TENM4: variants seen among roughly 807,000 people sequenced by gnomAD.
The protein encoded by TENM4 is teneurin transmembrane protein 4.
A neutral mutation model predicts 243.3 loss-of-function variants in TENM4; 82 were observed. That is an observed-to-expected ratio of 0.34 (90% CI 0.28 to 0.40). The LOEUF is 0.40. TENM4 is among the 10% of genes least tolerant of loss of function. The probability of loss-of-function intolerance (pLI) is 1.00; values close to 1 mark genes in which losing one functional copy is unlikely to be tolerated. For missense variants in TENM4, 3,138 were observed against 3,673.3 expected (o/e 0.85, Z 3.77); for synonymous variants, 1,412 against 1,456.3 (o/e 0.97, Z 0.69).
chr11:79,408,344 G>A (rs543445236), intron 1 of TENM4, among the ~76,000 whole-genome samples: 43 of 152,316 alleles, frequency 2.8e-4, no homozygotes, highest in Non-Finnish European at 5.9e-4. Context: ...CTGCTGGTCC[G>A]GAGACCACAC....
intron 19 of TENM4, among the ~76,000 whole-genome samples, chr11:78,741,589 CTTAT>C (rs1208755835): frequency 6.6e-6 from 1 of 152,078 alleles, no homozygotes; most frequent in Admixed American, 6.6e-5. Flanking sequence ...TTTAATGTAC[CTTAT>C]TTAATTTTAT....
intron 24 of TENM4, 74 bp from the exon 25 acceptor site, chr11:78,720,464 C>G (rs1319962832): frequency 6.5e-7 from 1 of 1,549,972 alleles, no homozygotes; most frequent in African/African-American, 1.4e-5. Context: ...GCATTATTAG[C>G]AGCCTGAAAA....
At chr11:79,242,695 T>C (rs920556464) in intron 2 of TENM4, among the ~76,000 whole-genome samples, 1 of 152,230 alleles carries the variant, frequency 6.6e-6, no homozygotes, top group Non-Finnish European at 1.5e-5. Context: ...TTCCCTAAAG[T>C]GGAGCATTTA....
At chr11:79,034,525 A>G (rs1859326958) in intron 6 of TENM4, among the ~76,000 whole-genome samples, 1 of 152,254 alleles carries the variant, frequency 6.6e-6, no homozygotes, top group African/African-American at 2.4e-5. Flanking sequence ...TTTAAAGAAC[A>G]AAATGTTCTG....
intron 4 of TENM4, among the ~76,000 whole-genome samples, chr11:79,138,356 T>TG (rs1360359179): frequency 2.4e-5 from 3 of 123,162 alleles, no homozygotes; most frequent in African/African-American, 9.5e-5. Context: ...TAAAAATATA[T>TG]AATATATAAT....
At chr11:78,836,001 G>A (rs966454182) in intron 12 of TENM4, among the ~76,000 whole-genome samples, 2 of 152,246 alleles carry the variant, frequency 1.3e-5, no homozygotes, top group Admixed American at 6.5e-5. Context: ...AATGAAACGA[G>A]AGAAGTGCAT....
At chr11:79,334,084 A>G (rs770386530) in intron 1 of TENM4, among the ~76,000 whole-genome samples, 1 of 152,238 alleles carries the variant, frequency 6.6e-6, no homozygotes, top group Non-Finnish European at 1.5e-5. Flanking sequence ...AGCATGGCAA[A>G]CATCATTGAC....
intron 25 of TENM4, among the ~76,000 whole-genome samples, chr11:78,715,062 A>C (rs1859491653): frequency 6.6e-6 from 1 of 152,158 alleles, no homozygotes; most frequent in Non-Finnish European, 1.5e-5. Context: ...TGGCATGTCT[A>C]TTTTTAGATT....
intron 4 of TENM4, among the ~76,000 whole-genome samples, chr11:79,139,872 G>T (rs1020190540): frequency 7.2e-6 from 1 of 138,520 alleles, no homozygotes; most frequent in East Asian, 2.2e-4. Context: ...CATTAGTTCT[G>T]TCCCTCTAGA....
chr11:78,760,429 G>A (rs1856402902), intron 18 of TENM4, among the ~76,000 whole-genome samples: 1 of 152,148 alleles, frequency 6.6e-6, no homozygotes. Context: ...TTCTTCATAT[G>A]CACAATAGGG....
chr11:79,345,853 C>A (rs1258457332), intron 1 of TENM4, among the ~76,000 whole-genome samples: 1 of 152,184 alleles, frequency 6.6e-6, no homozygotes, highest in East Asian at 1.9e-4. Context: ...AATAGGACTT[C>A]CAAGTGAACA....
intron 4 of TENM4, among the ~76,000 whole-genome samples, chr11:79,112,260 G>A (rs540707324): frequency 6.6e-6 from 1 of 152,330 alleles, no homozygotes; most frequent in African/African-American, 2.4e-5. Flanking sequence ...CTAGAATGTG[G>A]GATGTTAAGC....
At chr11:79,295,428 T>C (rs1856432976) in intron 2 of TENM4, among the ~76,000 whole-genome samples, 1 of 151,984 alleles carries the variant, frequency 6.6e-6, no homozygotes, top group Admixed American at 6.5e-5. Context: ...GAGCCTGCAG[T>C]AGTAAGTGAC....
chr11:78,804,651 C>T (rs964801614), intron 15 of TENM4, among the ~76,000 whole-genome samples: 8 of 152,180 alleles, frequency 5.3e-5, no homozygotes, highest in Non-Finnish European at 5.9e-5. Context: ...GAACCAAATG[C>T]CACAATCAAG....
At chr11:78,961,247 C>T (rs879697192) in intron 6 of TENM4, among the ~76,000 whole-genome samples, 2 of 152,206 alleles carry the variant, frequency 1.3e-5, no homozygotes, top group East Asian at 1.9e-4. Flanking sequence ...CTCTCTTCTC[C>T]AAACATCAGG....
intron 20 of TENM4, among the ~76,000 whole-genome samples, chr11:78,737,396 G>A (rs1392076537): frequency 6.6e-6 from 1 of 152,188 alleles, no homozygotes; most frequent in Non-Finnish European, 1.5e-5. Flanking sequence ...GGCACCCCAT[G>A]CCAAGCTTGC....
intron 1 of TENM4, among the ~76,000 whole-genome samples, chr11:79,409,542 T>C (rs1235205174): frequency 6.6e-6 from 1 of 152,128 alleles, no homozygotes; most frequent in Non-Finnish European, 1.5e-5. Context: ...CAGGTTCCCA[T>C]GAAGGAGGGT....
At chr11:79,254,344 T>C (rs151154590) in intron 2 of TENM4, among the ~76,000 whole-genome samples, 4 of 152,292 alleles carry the variant, frequency 2.6e-5, no homozygotes, top group African/African-American at 9.6e-5. Context: ...ATTAGTTTTG[T>C]AAGGACTGAT....
intron 12 of TENM4, among the ~76,000 whole-genome samples, chr11:78,835,184 T>C (rs1053704383): frequency 3.3e-5 from 5 of 152,168 alleles, no homozygotes; most frequent in Admixed American, 1.3e-4. Context: ...AGCTCCTCTT[T>C]GCTGAAGCTC....
Sources: allele counts gnomAD v4.1 joint callset (sites outside exome capture counted in the v4.1 genomes callset), GRCh38; gene constraint gnomAD v4.1.1; transcripts MANE v1.5; gene names NCBI Gene and HGNC (gene_info 2026-07-23, HGNC 2026-07-21).